ROR1: variants seen among roughly 807,000 people sequenced by gnomAD.
ROR1 encodes ROR family WNT receptor 1, also known as inactive tyrosine-protein kinase transmembrane receptor ROR1.
Under a neutral mutation model 78.8 loss-of-function variants are expected in ROR1, and 19 were observed. The observed-to-expected ratio is 0.24, with a 90% confidence interval of 0.17 to 0.35. The LOEUF is 0.35. ROR1 is among the 10% of genes least tolerant of loss of function. The pLI is 1.00. For synonymous variants in ROR1, 386 were observed against 433.6 expected, an observed-to-expected ratio of 0.89 and a Z score of 1.36; for missense variants, 917 against 1,177.8, an observed-to-expected ratio of 0.78 and a Z score of 3.24.
At chr1:63,956,063 C>G (rs1229981722) in intron 1 of ROR1, among the ~76,000 whole-genome samples, 1 of 152,092 alleles carries the variant, frequency 6.6e-6, no homozygotes, top group East Asian at 1.9e-4. Flanking sequence ...GGTGGTAGTT[C>G]TGGTGCTCCC....
intron 1 of ROR1, among the ~76,000 whole-genome samples, chr1:63,818,042 C>T (rs537024324): frequency 3.1e-4 from 47 of 152,196 alleles, no homozygotes; most frequent in African/African-American, 1.1e-3. Flanking sequence ...TTACAGTAAC[C>T]CTGTGAGATA....
intron 4 of ROR1, among the ~76,000 whole-genome samples, chr1:64,081,755 C>T (rs1428534624): frequency 3.1e-5 from 4 of 128,990 alleles, no homozygotes; most frequent in South Asian, 4.6e-4. Context: ...TAGGTGACAG[C>T]GCGAGACACT....
At chr1:63,953,644 C>T (rs1645958981) in intron 1 of ROR1, among the ~76,000 whole-genome samples, 1 of 152,134 alleles carries the variant, frequency 6.6e-6, no homozygotes. Flanking sequence ...CTAGTAGGTG[C>T]TCAATAAATG....
At chr1:64,021,639 A>G (rs1646566133) in intron 2 of ROR1, among the ~76,000 whole-genome samples, 3 of 152,228 alleles carry the variant, frequency 2.0e-5, no homozygotes, top group Admixed American at 2.0e-4. Flanking sequence ...TTTCCTGGCT[A>G]CCAAGTCCAT....
chr1:63,920,385 G>A (rs1181420072), intron 1 of ROR1, among the ~76,000 whole-genome samples: 1 of 152,174 alleles, frequency 6.6e-6, no homozygotes, highest in Non-Finnish European at 1.5e-5. Context: ...CATAGGTATG[G>A]TTTAATGGTA....
chr1:64,131,129 A>C (rs1648897313), intron 4 of ROR1, among the ~76,000 whole-genome samples: 1 of 152,310 alleles, frequency 6.6e-6, no homozygotes, highest in African/African-American at 2.4e-5. Flanking sequence ...CACTGAGCAA[A>C]CCTATGGACC....
chr1:64,135,497 C>A (rs1332742767), intron 4 of ROR1, among the ~76,000 whole-genome samples: 1 of 151,950 alleles, frequency 6.6e-6, no homozygotes, highest in African/African-American at 2.4e-5. Flanking sequence ...AGAAAAGCAT[C>A]ATCTGTAATA....
intron 1 of ROR1, among the ~76,000 whole-genome samples, chr1:63,871,442 T>G (rs1645250937): frequency 6.6e-6 from 1 of 152,166 alleles, no homozygotes; most frequent in Non-Finnish European, 1.5e-5. Flanking sequence ...GATTGGTTGC[T>G]ATGAGAGATC....
chr1:64,102,239 A>C (rs1447749110), intron 4 of ROR1, among the ~76,000 whole-genome samples: 2 of 152,184 alleles, frequency 1.3e-5, no homozygotes, highest in African/African-American at 4.8e-5. Context: ...AGGAGCGTGG[A>C]AAGTATGGAA....
intron 1 of ROR1, among the ~76,000 whole-genome samples, chr1:63,848,810 T>C (rs980256998): frequency 2.0e-5 from 3 of 152,204 alleles, no homozygotes; most frequent in Non-Finnish European, 4.4e-5. Flanking sequence ...GTTATCATCC[T>C]GGAAATTTTT....
chr1:64,001,746 C>A (rs114427839), intron 1 of ROR1, among the ~76,000 whole-genome samples: 36 of 152,106 alleles, frequency 2.4e-4, no homozygotes, highest in Admixed American at 2.0e-3. Flanking sequence ...AGACTTTAGG[C>A]AGGGAGCTCA....
intron 1 of ROR1, among the ~76,000 whole-genome samples, chr1:63,871,615 A>T (rs1303580522): frequency 1.3e-5 from 2 of 152,210 alleles, no homozygotes; most frequent in Non-Finnish European, 2.9e-5. Context: ...TTGGTAGAAC[A>T]TTTGCTCCAG....
intron 4 of ROR1, among the ~76,000 whole-genome samples, chr1:64,054,781 A>T (rs544078276): frequency 6.6e-6 from 1 of 152,190 alleles, no homozygotes; most frequent in Non-Finnish European, 1.5e-5. Flanking sequence ...GGCAAAAACA[A>T]TAGAAATTTA....
At chr1:63,868,547 T>C (rs1645231190) in intron 1 of ROR1, among the ~76,000 whole-genome samples, 1 of 152,226 alleles carries the variant, frequency 6.6e-6, no homozygotes, top group South Asian at 2.1e-4. Context: ...TCTAAATCTT[T>C]GATTGTGCAT....
intron 4 of ROR1, among the ~76,000 whole-genome samples, chr1:64,070,384 A>G (rs1479792818): frequency 2.6e-5 from 4 of 152,172 alleles, no homozygotes; most frequent in Non-Finnish European, 5.9e-5. Context: ...GCTGGAGTGC[A>G]GTGGTGCAAT....
intron 4 of ROR1, among the ~76,000 whole-genome samples, chr1:64,113,384 A>G (rs191203921): frequency 8.9e-4 from 135 of 152,340 alleles, no homozygotes; most frequent in African/African-American, 2.0e-3. Context: ...CTTCACAGGT[A>G]CCATCCCTAT....
intron 1 of ROR1, among the ~76,000 whole-genome samples, chr1:63,875,252 A>G (rs1645277852): frequency 6.6e-6 from 1 of 152,194 alleles, no homozygotes; most frequent in South Asian, 2.1e-4. Context: ...GCCTACAACA[A>G]TGCCTGGAGT....
intron 2 of ROR1, among the ~76,000 whole-genome samples, chr1:64,025,084 G>A (rs1481579468): frequency 2.0e-5 from 3 of 152,142 alleles, no homozygotes; most frequent in African/African-American, 7.2e-5. Flanking sequence ...TCTCCAAGAT[G>A]ATCAAAACAG....
intron 8 of ROR1, among the ~76,000 whole-genome samples, chr1:64,161,182 C>T (rs968117322): frequency 2.0e-5 from 3 of 152,118 alleles, no homozygotes. Flanking sequence ...TTATATAAGG[C>T]AGGTATTATT....
Sources: gnomAD v4.1 joint callset for allele counts (sites outside exome capture counted in the v4.1 genomes callset) on GRCh38, gnomAD v4.1.1 for gene constraint, MANE v1.5 for transcripts, NCBI Gene and HGNC (gene_info 2026-07-23, HGNC 2026-07-21) for gene names.